CDH13: variants seen among roughly 807,000 people sequenced by gnomAD.
CDH13 encodes cadherin-13.
CDH13 carries 24 observed loss-of-function variants against 63.8 expected under a neutral mutation model. The observed-to-expected ratio is 0.38, with a 90% CI of 0.27 to 0.53. The LOEUF (loss-of-function observed/expected upper bound fraction) is 0.53, where lower values mean the gene tolerates loss of function less well. CDH13 is among the 20% of genes least tolerant of loss of function. The pLI, the probability that CDH13 is intolerant of heterozygous loss-of-function variation, is 0.85. For synonymous variants in CDH13, 503 were observed against 355.3 expected (o/e 1.42, Z -4.67); for missense variants, 1,049 against 903.1 (o/e 1.16, Z -2.07).
chr16:83,467,349 T>C (rs2073341610), intron 6 of CDH13, among the ~76,000 whole-genome samples: 1 of 152,098 alleles, frequency 6.6e-6, no homozygotes, highest in African/African-American at 2.4e-5. Context: ...TTCCTGTAAA[T>C]CCAGCAAGCC....
chr16:83,500,876 G>A (rs541385972), intron 7 of CDH13, among the ~76,000 whole-genome samples: 8 of 151,944 alleles, frequency 5.3e-5, no homozygotes, highest in African/African-American at 1.5e-4. Flanking sequence ...CACCACAACC[G>A]GCCTAGAGAC....
intron 5 of CDH13, among the ~76,000 whole-genome samples, chr16:83,271,037 G>A (rs1247730478): frequency 6.6e-6 from 1 of 150,582 alleles, no homozygotes; most frequent in Non-Finnish European, 1.5e-5. Context: ...TAAGTATACA[G>A]CCATGAACAC....
chr16:83,768,577 A>G (rs1264442380), intron 11 of CDH13, among the ~76,000 whole-genome samples: 2 of 152,234 alleles, frequency 1.3e-5, no homozygotes, highest in Non-Finnish European at 2.9e-5. Context: ...CAAGTTTATT[A>G]GGAAAGTAAA....
At chr16:82,989,111 G>A (rs990228057) in intron 2 of CDH13, among the ~76,000 whole-genome samples, 2 of 152,148 alleles carry the variant, frequency 1.3e-5, no homozygotes, top group African/African-American at 4.8e-5. Flanking sequence ...TTTCAAAAAT[G>A]TACAAAGCAG....
chr16:83,258,086 GTCTT>G (rs1383786166), intron 5 of CDH13, among the ~76,000 whole-genome samples: 12 of 152,182 alleles, frequency 7.9e-5, no homozygotes, highest in Non-Finnish European at 1.5e-4. Context: ...ATTAAACTGA[GTCTT>G]TATAAGCAAG....
intron 5 of CDH13, among the ~76,000 whole-genome samples, chr16:83,311,019 T>C (rs140661398): frequency 2.0e-5 from 3 of 152,256 alleles, no homozygotes; most frequent in African/African-American, 7.2e-5. Flanking sequence ...AGGACAGATG[T>C]GGTGGGAGCC....
chr16:83,109,959 A>G (rs569869040), intron 3 of CDH13, among the ~76,000 whole-genome samples: 7 of 152,308 alleles, frequency 4.6e-5, no homozygotes, highest in Admixed American at 2.0e-4. Context: ...TTCAGAGGCA[A>G]TTGCATCTTG....
intron 2 of CDH13, among the ~76,000 whole-genome samples, chr16:82,981,819 A>G (rs898155127): frequency 6.6e-6 from 1 of 152,162 alleles, no homozygotes; most frequent in African/African-American, 2.4e-5. Flanking sequence ...AAGCCCTTCA[A>G]CAGCTACCAG....
chr16:83,268,278 A>C (rs118082351), intron 5 of CDH13, among the ~76,000 whole-genome samples: 1 of 152,192 alleles, frequency 6.6e-6, no homozygotes, highest in African/African-American at 2.4e-5. Flanking sequence ...AGGAACTTCC[A>C]TGGAAGTATG....
In CDH13 at chr16:82,806,423, A is replaced by G. The variant is rs546906201; in HGVS notation, c.46-51939A>G. Among the ~76,000 whole-genome samples, 11 of 152,330 alleles carry G rather than the reference A, an allele frequency of 7.2e-5. No homozygotes were observed. In the South Asian group the frequency reaches 2.3e-3, roughly 32 times the overall value. The stretch of plus-strand genomic sequence containing the variant: ...TAAGATTTAGAATTTGAAATACAAG[A>G]ATGTGGGTTCTTACAAAACAAAACT... On this transcript the variant is annotated intron_variant, in intron 1 of 13. Coordinates refer to ENST00000567109, the MANE Select transcript of CDH13 (RefSeq NM_001257.5).
intron 2 of CDH13, among the ~76,000 whole-genome samples, chr16:82,875,053 T>C (rs1416341952): frequency 1.3e-5 from 2 of 152,004 alleles, no homozygotes; most frequent in Non-Finnish European, 2.9e-5. Flanking sequence ...AGGCCTGGAG[T>C]CTGCACATGA....
intron 2 of CDH13, among the ~76,000 whole-genome samples, chr16:82,928,478 T>G (rs1455417215): frequency 6.6e-6 from 1 of 152,232 alleles, no homozygotes; most frequent in African/African-American, 2.4e-5. Context: ...CATTTGAAAG[T>G]GTTCTATTCA....
chr16:83,303,623 G>A (rs992257725), intron 5 of CDH13, among the ~76,000 whole-genome samples: 3 of 152,148 alleles, frequency 2.0e-5, no homozygotes, highest in African/African-American at 4.8e-5. Flanking sequence ...CTTTTGCTGG[G>A]TATGGTTTGT....
chr16:82,891,061 T>C (rs1199799917), intron 2 of CDH13, among the ~76,000 whole-genome samples: 1 of 150,044 alleles, frequency 6.7e-6, no homozygotes, highest in Non-Finnish European at 1.5e-5. Context: ...TTTTAAGTTT[T>C]GTTGTTGGTC....
intron 2 of CDH13, among the ~76,000 whole-genome samples, chr16:82,898,183 A>G (rs925183099): frequency 3.9e-5 from 6 of 152,260 alleles, no homozygotes; most frequent in Non-Finnish European, 7.3e-5. Context: ...TGTTAAAATT[A>G]ATTCCACCCA....
chr16:83,383,116 G>A (rs1479258687), intron 6 of CDH13: 1 of 152,162 alleles, frequency 6.6e-6, no homozygotes, highest in East Asian at 1.9e-4. Flanking sequence ...CAACAGTTTG[G>A]AAGAATGCAG....
chr16:82,705,043 C>A (rs1391050871), intron 1 of CDH13: 3 of 424,940 alleles, frequency 7.1e-6, no homozygotes, highest in Non-Finnish European at 1.4e-5. Flanking sequence ...TAAACGGTTT[C>A]TTCTTTTTAT....
At chr16:83,441,691 T>C (rs1215521788) in intron 6 of CDH13, among the ~76,000 whole-genome samples, 1 of 152,052 alleles carries the variant, frequency 6.6e-6, no homozygotes, top group African/African-American at 2.4e-5. Flanking sequence ...GTTAGCTCTG[T>C]GACAGTGAAA....
intron 5 of CDH13, among the ~76,000 whole-genome samples, chr16:83,283,509 T>C (rs901978637): frequency 2.6e-5 from 4 of 152,180 alleles, no homozygotes; most frequent in Non-Finnish European, 5.9e-5. Context: ...GAGAATCACT[T>C]GAACCCAGGA....
Sources: allele counts gnomAD v4.1 joint callset (sites outside exome capture counted in the v4.1 genomes callset), GRCh38; gene constraint gnomAD v4.1.1; transcripts MANE v1.5; gene names NCBI Gene and HGNC (gene_info 2026-07-23, HGNC 2026-07-21).